The following SAMD5 variants were observed in gnomAD, a reference collection of about 807,000 sequenced individuals.
SAMD5 encodes the protein sterile alpha motif domain-containing protein 5.
Under a neutral mutation model 11.3 loss-of-function variants are expected in SAMD5, and 13 were observed. The ratio of observed to expected loss-of-function variants is 1.15; its 90% confidence interval spans 0.75 to 1.83. The LOEUF is 1.83. Among genes scored for constraint, SAMD5 ranks in the 40% most tolerant of loss-of-function variants. The pLI is 0.00. For missense variants in SAMD5, 255 were observed against 239.1 expected (o/e 1.07, Z -0.44); for synonymous variants, 129 against 111.3 (o/e 1.16, Z -1.00).
chr6:147,882,031 T>G, the SAMD5 span, among the ~76,000 whole-genome samples: 1 of 152,078 alleles, frequency 6.6e-6, no homozygotes, highest in South Asian at 2.1e-4. Flanking sequence ...GATGAAAAGG[T>G]GTGTATTCGT....
the SAMD5 span, among the ~76,000 whole-genome samples, chr6:147,892,565 T>C: frequency 3.9e-4 from 60 of 152,336 alleles, 3 homozygotes; most frequent in South Asian, 0.012. Flanking sequence ...GCCCTGTAGG[T>C]CCTGTCTTGG....
chr6:147,838,970 TCA>T, the SAMD5 span, among the ~76,000 whole-genome samples: 1 of 152,176 alleles, frequency 6.6e-6, no homozygotes, highest in African/African-American at 2.4e-5. Context: ...CTGGAATAAA[TCA>T]CAGTTTTTGG....
intron 1 of SAMD5, among the ~76,000 whole-genome samples, chr6:147,612,794 A>T (rs1014792186): frequency 6.6e-6 from 1 of 152,174 alleles, no homozygotes; most frequent in African/African-American, 2.4e-5. Context: ...CATGTTATGT[A>T]AGCTCCTTTC....
intron 1 of SAMD5, among the ~76,000 whole-genome samples, chr6:147,613,187 A>G (rs1033116717): frequency 1.3e-5 from 2 of 152,068 alleles, no homozygotes; most frequent in Non-Finnish European, 2.9e-5. Context: ...TTATGATTAT[A>G]TCTCATAGAA....
chr6:147,541,303 T>C (rs565301545), intron 1 of SAMD5, among the ~76,000 whole-genome samples: 3 of 152,326 alleles, frequency 2.0e-5, no homozygotes, highest in South Asian at 2.1e-4. Flanking sequence ...TGGAACCATA[T>C]GCAAGATTCT....
chr6:147,515,538 A>G (rs1237700793), intron 1 of SAMD5, among the ~76,000 whole-genome samples: 3 of 151,500 alleles, frequency 2.0e-5, no homozygotes, highest in Non-Finnish European at 4.4e-5. Flanking sequence ...TCATCCATCC[A>G]TCCTTCCCTT....
the SAMD5 span, among the ~76,000 whole-genome samples, chr6:147,943,234 T>C: frequency 6.6e-6 from 1 of 152,236 alleles, no homozygotes; most frequent in East Asian, 1.9e-4. Flanking sequence ...ATTTTATCTG[T>C]GTTTTTAGAT....
chr6:147,916,889 T>C, the SAMD5 span, among the ~76,000 whole-genome samples: 13,831 of 149,904 alleles, frequency 0.092, 859 homozygotes, highest in South Asian at 0.14. Flanking sequence ...CATGAACTCA[T>C]CATTTTTTAT....
chr6:147,918,516 A>C, the SAMD5 span, among the ~76,000 whole-genome samples: 1 of 152,090 alleles, frequency 6.6e-6, no homozygotes, highest in Non-Finnish European at 1.5e-5. Flanking sequence ...CAGGAGAAAG[A>C]AATAAAGTGT....
intron 1 of SAMD5, among the ~76,000 whole-genome samples, chr6:147,514,160 G>A (rs1206104244): frequency 6.6e-6 from 1 of 152,108 alleles, no homozygotes; most frequent in East Asian, 1.9e-4. Flanking sequence ...CCTGGAGGAG[G>A]TGCGAGGGAA....
At chr6:147,825,346 T>G in the SAMD5 span, among the ~76,000 whole-genome samples, 1 of 152,132 alleles carries the variant, frequency 6.6e-6, no homozygotes, top group African/African-American at 2.4e-5. Flanking sequence ...TGTGGTCATA[T>G]CTTTCCATTT....
At chr6:147,710,295 C>A (rs1583148618) in intron 1 of SAMD5, among the ~76,000 whole-genome samples, 1 of 152,216 alleles carries the variant, frequency 6.6e-6, no homozygotes, top group East Asian at 1.9e-4. Flanking sequence ...AGTACACTTA[C>A]CCCGCCCTTA....
intron 1 of SAMD5, among the ~76,000 whole-genome samples, chr6:147,689,084 G>C (rs1791062789): frequency 6.6e-6 from 1 of 152,116 alleles, no homozygotes; most frequent in South Asian, 2.1e-4. Flanking sequence ...GGTTTCTTTG[G>C]TTAGCCTTTG....
intron 1 of SAMD5, among the ~76,000 whole-genome samples, chr6:147,678,281 A>C (rs1790893198): frequency 1.1e-5 from 1 of 93,236 alleles, no homozygotes; most frequent in South Asian, 4.1e-4. Flanking sequence ...AGAATAACAA[A>C]ATTTGTTATT....
the SAMD5 span, among the ~76,000 whole-genome samples, chr6:147,810,958 C>T: frequency 6.6e-6 from 1 of 152,076 alleles, no homozygotes; most frequent in Non-Finnish European, 1.5e-5. Flanking sequence ...CACAAAGGAC[C>T]AAGTGAGAAC....
At chr6:147,880,761 A>T in the SAMD5 span, among the ~76,000 whole-genome samples, 1 of 152,126 alleles carries the variant, frequency 6.6e-6, no homozygotes, top group South Asian at 2.1e-4. Flanking sequence ...TTTACATCAT[A>T]CAGACTGTCC....
the SAMD5 span, among the ~76,000 whole-genome samples, chr6:147,857,996 T>C: frequency 1.3e-5 from 2 of 152,166 alleles, no homozygotes; most frequent in South Asian, 4.1e-4. Flanking sequence ...AATATCATCA[T>C]ATATGCCTAG....
intron 1 of SAMD5, among the ~76,000 whole-genome samples, chr6:147,627,571 A>T (rs1357657617): frequency 2.0e-5 from 3 of 152,226 alleles, no homozygotes; most frequent in African/African-American, 7.2e-5. Flanking sequence ...TCTGAATGGC[A>T]TCATTACACA....
intron 1 of SAMD5, among the ~76,000 whole-genome samples, chr6:147,610,871 A>AT (rs35348058): frequency 0.62 from 88,110 of 142,506 alleles, 27,215 homozygotes; most frequent in East Asian, 0.67. Context: ...AAAAGCCAGA[A>AT]TTTTTTTTTT....
Sources: allele counts gnomAD v4.1 joint callset (sites outside exome capture counted in the v4.1 genomes callset), GRCh38; gene constraint gnomAD v4.1.1; transcripts MANE v1.5; gene names NCBI Gene and HGNC (gene_info 2026-07-23, HGNC 2026-07-21).